FAM13A: variants seen among roughly 807,000 people sequenced by gnomAD.
FAM13A encodes family with sequence similarity 13 member A.
Under a neutral mutation model 129.6 loss-of-function variants are expected in FAM13A, and 76 were observed. The ratio of observed to expected loss-of-function variants is 0.59; its 90% confidence interval spans 0.49 to 0.71. The LOEUF is 0.71. FAM13A is among the 30% of genes least tolerant of loss of function. The pLI is 0.00. For missense variants in FAM13A, 1,108 were observed against 1,249.3 expected, an observed-to-expected ratio of 0.89 and a Z score of 1.70; for synonymous variants, 443 against 449.9, an observed-to-expected ratio of 0.98 and a Z score of 0.20.
Position 88,983,835 on chromosome 4 carries a change from G to A in FAM13A, c.605+7138C>T, listed in dbSNP as rs141706982. Among the ~76,000 whole-genome samples the A allele has an allele frequency of 6.3e-3, 958 of 152,134 alleles. 17 individuals are homozygous for A. The highest frequency in any genetic ancestry group is 0.022 in the African/African-American group (917 of 41,500). On this transcript the variant is annotated intron_variant, in intron 4 of 23. Coordinates refer to ENST00000264344, the MANE Select transcript of FAM13A (RefSeq NM_014883.4). The stretch of plus-strand genomic sequence containing the variant: ...TTTGTAGAGAAATACAATGAACCTA[G>A]ACTAGTCAAAATAATTCTGAAAAGA...
At chr4:88,828,968 T>G (rs899777875) in intron 7 of FAM13A, among the ~76,000 whole-genome samples, 2 of 152,212 alleles carry the variant, frequency 1.3e-5, no homozygotes, top group African/African-American at 2.4e-5. Flanking sequence ...TTAGCTGGCT[T>G]GCAGATTTCT....
intron 5 of FAM13A, among the ~76,000 whole-genome samples, chr4:88,928,255 A>C (rs1210745824): frequency 2.0e-5 from 3 of 152,140 alleles, no homozygotes; most frequent in Non-Finnish European, 1.5e-5. Context: ...TGGCCCAACC[A>C]TGTGGTCTAT....
intron 6 of FAM13A, among the ~76,000 whole-genome samples, chr4:88,868,049 A>G (rs926302474): frequency 2.0e-5 from 3 of 152,216 alleles, no homozygotes; most frequent in African/African-American, 7.2e-5. Context: ...TAAAATATCA[A>G]TACTAAACTT....
rs181479345 is a variant in FAM13A, at chr4:88,799,853, C to T, written c.1049+5158G>A. Among the ~76,000 whole-genome samples, 9 of 152,302 alleles carry T rather than the reference C, an allele frequency of 5.9e-5. No homozygotes were observed. In the East Asian group the frequency reaches 1.7e-3, roughly 29 times the overall value. Reference sequence around the variant, plus strand: ...AGGACTTGGACAGATATTTGTACATCCATGTTCATAGCAGCATTATTCACA... The same window carrying T: ...AGGACTTGGACAGATATTTGTACATTCATGTTCATAGCAGCATTATTCACA... On this transcript the variant is annotated intron_variant, in intron 8 of 23. Transcript: ENST00000264344.
chr4:88,984,287 T>A (rs968272957), intron 4 of FAM13A, among the ~76,000 whole-genome samples: 2 of 152,058 alleles, frequency 1.3e-5, no homozygotes, highest in Admixed American at 6.6e-5. Context: ...AAAAAACAGA[T>A]ACATTGCACT....
At chr4:89,056,722 C>T (rs1772234379) in intron 1 of FAM13A, among the ~76,000 whole-genome samples, 1 of 152,154 alleles carries the variant, frequency 6.6e-6, no homozygotes, top group African/African-American at 2.4e-5. Context: ...GCATCTTTCA[C>T]CTTTTTTGGA....
At chr4:88,821,695 A>T (rs1731946102) in intron 7 of FAM13A, among the ~76,000 whole-genome samples, 1 of 152,216 alleles carries the variant, frequency 6.6e-6, no homozygotes, top group East Asian at 1.9e-4. Flanking sequence ...TCAAGACTCC[A>T]CAAAGTGTTT....
intron 13 of FAM13A, among the ~76,000 whole-genome samples, chr4:88,765,463 T>C (rs1043997960): frequency 2.9e-4 from 44 of 152,172 alleles, no homozygotes; most frequent in African/African-American, 1.0e-3. Context: ...AACCAAAGTA[T>C]AGACTTATTT....
At chr4:88,736,919 C>G (rs1739100045) in intron 21 of FAM13A, among the ~76,000 whole-genome samples, 1 of 151,980 alleles carries the variant, frequency 6.6e-6, no homozygotes, top group African/African-American at 2.4e-5. Context: ...ATGAGAAAGT[C>G]AAGAAGGAAA....
intron 8 of FAM13A, among the ~76,000 whole-genome samples, chr4:88,796,458 G>A (rs1243833578): frequency 2.0e-5 from 3 of 151,874 alleles, no homozygotes; most frequent in Admixed American, 6.6e-5. Context: ...GTATATAGGT[G>A]CTCATTTATT....
At chr4:88,895,970 C>T (rs570190458) in intron 6 of FAM13A, among the ~76,000 whole-genome samples, 2,567 of 147,598 alleles carry the variant, frequency 0.017, 64 homozygotes, top group African/African-American at 0.061. Flanking sequence ...CACATGCACA[C>T]GTATGTTTAT....
At chr4:88,808,430 A>G (rs898290999) in intron 7 of FAM13A, among the ~76,000 whole-genome samples, 1 of 152,186 alleles carries the variant, frequency 6.6e-6, no homozygotes, top group Non-Finnish European at 1.5e-5. Context: ...AAACATCTTT[A>G]ACAAAGATCA....
intron 7 of FAM13A, among the ~76,000 whole-genome samples, chr4:88,823,790 G>A (rs967537293): frequency 1.3e-5 from 2 of 152,154 alleles, no homozygotes; most frequent in African/African-American, 4.8e-5. Context: ...GTTACTAGTC[G>A]CTGGTGACAT....
chr4:88,967,536 A>C, intron 4 of FAM13A, among the ~76,000 whole-genome samples: 1 of 152,186 alleles, frequency 6.6e-6, no homozygotes, highest in Non-Finnish European at 1.5e-5. Context: ...CTGCAAATAT[A>C]TTCAGGGTCT....
chr4:89,004,606 T>C (rs1764742377), intron 3 of FAM13A, among the ~76,000 whole-genome samples: 1 of 152,232 alleles, frequency 6.6e-6, no homozygotes, highest in African/African-American at 2.4e-5. Context: ...CTTATTCTTC[T>C]GTAACTCTTT....
intron 7 of FAM13A, among the ~76,000 whole-genome samples, chr4:88,831,529 T>C: frequency 6.6e-6 from 1 of 152,228 alleles, no homozygotes; most frequent in Non-Finnish European, 1.5e-5. Context: ...TTAATGTCAA[T>C]ATACTGGCTG....
At chr4:89,009,144 A>C (rs1398154173) in intron 3 of FAM13A, 3 of 152,224 alleles carry the variant, frequency 2.0e-5, no homozygotes, top group African/African-American at 7.2e-5. Context: ...CCACCACGAA[A>C]TCATCAGATC....
intron 6 of FAM13A, among the ~76,000 whole-genome samples, chr4:88,857,564 G>C (rs974058543): frequency 2.0e-5 from 3 of 150,798 alleles, no homozygotes; most frequent in Admixed American, 1.3e-4. Context: ...GGGAGGCGGA[G>C]GTTGCAGTGA....
intron 4 of FAM13A, among the ~76,000 whole-genome samples, chr4:88,978,804 A>G (rs1761266389): frequency 6.6e-6 from 1 of 152,196 alleles, no homozygotes; most frequent in Non-Finnish European, 1.5e-5. Flanking sequence ...AAAAAAAAAA[A>G]GATAACATCA....
Sources: allele counts gnomAD v4.1 joint callset (sites outside exome capture counted in the v4.1 genomes callset), GRCh38; gene constraint gnomAD v4.1.1; transcripts MANE v1.5; gene names NCBI Gene and HGNC (gene_info 2026-07-23, HGNC 2026-07-21).